Variants in CELF2 observed in about 807,000 individuals in gnomAD.
The protein encoded by CELF2 is CUG triplet repeat RNA-binding protein 2.
Under a neutral mutation model 62.6 loss-of-function variants are expected in CELF2, and 8 were observed. The observed-to-expected ratio is 0.13, with a 90% CI of 0.07 to 0.23. CELF2 has a LOEUF of 0.23. Ranked by LOEUF, CELF2 falls within the 10% of genes least tolerant of loss-of-function variation. The pLI is 1.00. For synonymous variants in CELF2, 258 were observed against 250.0 expected (o/e 1.03, Z -0.30); for missense variants, 333 against 671.0 (o/e 0.50, Z 5.56).
chr10:10,739,898 A>T, the CELF2 span, among the ~76,000 whole-genome samples: 1 of 152,154 alleles, frequency 6.6e-6, no homozygotes, highest in South Asian at 2.1e-4. Context: ...CTTTGGAAGT[A>T]TGTCTATTTA....
chr10:10,935,385 A>G (rs1218550583), intron 2 of CELF2: 1 of 152,210 alleles, frequency 6.6e-6, no homozygotes, highest in Non-Finnish European at 1.5e-5. Context: ...TTGCTTCAGT[A>G]TGGCCTAAGT....
At chr10:10,884,091 A>G (rs1258589258) in intron 1 of CELF2, among the ~76,000 whole-genome samples, 8 of 152,046 alleles carry the variant, frequency 5.3e-5, no homozygotes, top group Admixed American at 3.3e-4. Context: ...GAACCTCACA[A>G]TCTTCTTTCT....
the CELF2 span, among the ~76,000 whole-genome samples, chr10:10,753,196 C>G: frequency 0.14 from 20,677 of 152,016 alleles, 1,644 homozygotes; most frequent in East Asian, 0.29. Context: ...CACCGTGAAA[C>G]ACAATTTAAG....
the CELF2 span, among the ~76,000 whole-genome samples, chr10:10,586,818 A>G: frequency 6.6e-6 from 1 of 152,148 alleles, no homozygotes; most frequent in Non-Finnish European, 1.5e-5. Flanking sequence ...ATTAATGTGT[A>G]TTTTGAACAC....
the CELF2 span, among the ~76,000 whole-genome samples, chr10:10,572,336 CT>C: frequency 0.015 from 1,620 of 107,348 alleles, 28 homozygotes; most frequent in African/African-American, 0.048. Context: ...TTGGTTTTTT[CT>C]TTTTTTTTTA....
At chr10:10,862,610 A>T (rs1455950301) in intron 1 of CELF2, among the ~76,000 whole-genome samples, 2 of 152,254 alleles carry the variant, frequency 1.3e-5, no homozygotes, top group African/African-American at 4.8e-5. Context: ...TCTAATGGTT[A>T]CAAGTGTGTC....
rs370590942 is a variant in CELF2, at chr10:11,165,692, G to A, written c.271+10G>A. ...CCTCCGCAGAGTAAAGGTACAGAGC[G>A]CGGGGCGGGGGTCGCCAGGCGTCCA... On this transcript the variant is annotated intron_variant, in intron 2 of 12. Coordinates refer to ENST00000633077, the MANE Select transcript of CELF2 (RefSeq NM_001326342.2). The surrounding 1 kb of genome is among the most constrained non-coding windows in gnomAD (Gnocchi z 7.4). 2.7e-4 allele frequency: 431 copies of A among 1,605,460 alleles called. 1 individual carries two copies. The East Asian group carries it at 7.3e-3, about 27-fold the overall frequency.
Position 11,005,606 on chromosome 10 carries a change from G to A in CELF2, c.53+166G>A, listed in dbSNP as rs1317154415. Among the ~76,000 whole-genome samples, 1 of 152,186 alleles carries A rather than the reference G, an allele frequency of 6.6e-6. No homozygotes were observed. The highest frequency in any genetic ancestry group is 1.5e-5 in the Non-Finnish European group (1 of 68,040). ...GATGAAATCGAGACCCAGAGATTGG[G>A]AGAAAGAGAGAGCCAGCGAGAGAAA... On this transcript the variant is annotated intron_variant, in intron 1 of 12. Transcript: ENST00000416382. This position sits in a 1 kb window ranked among gnomAD's most constrained non-coding sequence, Gnocchi z 4.3.
At chr10:11,024,896 C>G (rs2058892378) in intron 1 of CELF2, among the ~76,000 whole-genome samples, 1 of 152,192 alleles carries the variant, frequency 6.6e-6, no homozygotes, top group African/African-American at 2.4e-5. Context: ...GGTACCATAA[C>G]AGTGTACTCC....
chr10:10,716,815 G>A, the CELF2 span, among the ~76,000 whole-genome samples: 5 of 152,144 alleles, frequency 3.3e-5, no homozygotes, highest in Non-Finnish European at 7.4e-5. Flanking sequence ...CACTTTCGCT[G>A]CAACATTTTG....
intron 1 of CELF2, among the ~76,000 whole-genome samples, chr10:10,847,327 TTCTC>T (rs2059079506): frequency 6.6e-6 from 1 of 152,208 alleles, no homozygotes; most frequent in African/African-American, 2.4e-5. Flanking sequence ...GTCATTTCCA[TTCTC>T]TCTGTTTCCT....
At chr10:10,845,462 T>C (rs1252345028) in intron 1 of CELF2, among the ~76,000 whole-genome samples, 1 of 151,470 alleles carries the variant, frequency 6.6e-6, no homozygotes, top group Non-Finnish European at 1.5e-5. Flanking sequence ...AAGCAAAACA[T>C]ACACACACAC....
intron 1 of CELF2, among the ~76,000 whole-genome samples, chr10:10,887,860 C>T (rs1238535218): frequency 6.6e-6 from 1 of 152,018 alleles, no homozygotes; most frequent in African/African-American, 2.4e-5. Flanking sequence ...CAACCTCCAC[C>T]TCCCAAGTTC....
chr10:11,129,026 G>T (rs2131751037), intron 1 of CELF2, among the ~76,000 whole-genome samples: 1 of 152,230 alleles, frequency 6.6e-6, no homozygotes, highest in South Asian at 2.1e-4. Flanking sequence ...GTCATAAATA[G>T]CTCTTATTAT....
At position 10,980,310 on chromosome 10, in the gene CELF2, G is replaced by C. The variant is rs372849995; in HGVS notation, c.89+60311G>C. ...GAGTTTTATCTTTACAGATGTTCCTGTTTATTTCAAAGAAGTTATGTCACT... is the reference window on the plus strand; with the variant it reads ...GAGTTTTATCTTTACAGATGTTCCTCTTTATTTCAAAGAAGTTATGTCACT... On this transcript the variant is annotated intron_variant, in intron 2 of 13. Coordinates refer to the CELF2 transcript ENST00000636488. Among the ~76,000 whole-genome samples the C allele has an allele frequency of 9.0e-4, 137 of 152,110 alleles. 1 individual carries two copies. The highest frequency in any genetic ancestry group is 3.1e-3 in the African/African-American group (128 of 41,410).
rs766424195 is a variant in CELF2 at position 11,211,809 on chromosome 10, A to AGTGTGT, written c.272-5615_272-5614insTGTGTG. Among the ~76,000 whole-genome samples the AGTGTGT allele has an allele frequency of 2.3e-5, 3 of 129,856 alleles. No homozygotes were observed. Among genetic ancestry groups the AGTGTGT allele is most frequent in the Non-Finnish European group, 3.3e-5 (2 of 61,216 alleles). The allele number at this position is 129,856 out of a possible 152,430, so 85.2% of individuals were successfully genotyped here. A position where few individuals can be genotyped will look rare whatever the true frequency, so the allele number is the denominator to read the frequency against. On this transcript the variant is annotated intron_variant, in intron 2 of 12. Transcript: ENST00000633077. This position sits in a 1 kb window ranked among gnomAD's most constrained non-coding sequence, Gnocchi z 4.8. ...ATGTGTGTGAGAGAGAGAGAGAGAG[A>AGTGTGT]GAGAGTGTGTGTGTGTGTGTGTGTG... is the stretch of plus-strand genomic sequence containing the variant.
Position 11,207,658 on chromosome 10 carries a change from C to G in CELF2, c.272-9767C>G, listed in dbSNP as rs1476512178. Among the ~76,000 whole-genome samples, 3 of 152,246 alleles carry G rather than the reference C, an allele frequency of 2.0e-5. No homozygotes were observed. The highest frequency in any genetic ancestry group is 2.1e-4 in the South Asian group (1 of 4,832). ...AATTCCTGGGATGGCACTTGGTAAT[C>G]CAAACCGTGGAGTCCACATAACTCA... is the stretch of plus-strand genomic sequence containing the variant. On this transcript the variant is annotated intron_variant, in intron 2 of 12. Coordinates refer to ENST00000633077, the MANE Select transcript of CELF2 (RefSeq NM_001326342.2). The surrounding 1 kb of genome is among the most constrained non-coding windows in gnomAD (Gnocchi z 4.1).
chr10:10,827,949 G>A (rs1289111735), intron 1 of CELF2, among the ~76,000 whole-genome samples: 1 of 120,830 alleles, frequency 8.3e-6, no homozygotes, highest in Non-Finnish European at 1.7e-5. Context: ...ATAAATGAAT[G>A]CAAATCAAAA....
At chr10:10,498,736 C>A in the CELF2 span, among the ~76,000 whole-genome samples, 1 of 152,080 alleles carries the variant, frequency 6.6e-6, no homozygotes, top group South Asian at 2.1e-4. Flanking sequence ...ATTAAATCCA[C>A]GGAAAATGAG....
Sources: allele counts gnomAD v4.1 joint callset (sites outside exome capture counted in the v4.1 genomes callset), GRCh38; gene constraint gnomAD v4.1.1; non-coding constraint Gnocchi (gnomAD v3.1); transcripts MANE v1.5; gene names NCBI Gene and HGNC (gene_info 2026-07-23, HGNC 2026-07-21).